SOX5: variants seen among roughly 807,000 people sequenced by gnomAD.
SOX5 encodes transcription factor SOX-5.
A neutral mutation model predicts 92.0 loss-of-function variants in SOX5; 9 were observed. The observed-to-expected ratio is 0.10, with a 90% CI of 0.06 to 0.17. The LOEUF is 0.17. SOX5 is among the 10% of genes least tolerant of loss of function. The pLI is 1.00. For synonymous variants in SOX5, 344 were observed against 336.3 expected (o/e 1.02, Z -0.25); for missense variants, 642 against 944.5 (o/e 0.68, Z 4.20).
intron 1 of SOX5, among the ~76,000 whole-genome samples, chr12:24,400,782 C>G (rs1319092279): frequency 6.6e-6 from 1 of 152,082 alleles, no homozygotes; most frequent in African/African-American, 2.4e-5. Flanking sequence ...ACTGTAGATA[C>G]CAAATAGGTT....
At chr12:23,676,792 G>A (rs2085775113) in intron 6 of SOX5, among the ~76,000 whole-genome samples, 2 of 152,154 alleles carry the variant, frequency 1.3e-5, no homozygotes, top group Non-Finnish European at 2.9e-5. Context: ...TAAGTTAACA[G>A]TGTTCTTACT....
At chr12:24,110,653 A>G (rs968715469) in intron 4 of SOX5, among the ~76,000 whole-genome samples, 10 of 152,150 alleles carry the variant, frequency 6.6e-5, no homozygotes, top group Non-Finnish European at 1.3e-4. Flanking sequence ...TGGGAGGCCG[A>G]GGCGGACGGA....
intron 4 of SOX5, among the ~76,000 whole-genome samples, chr12:24,070,020 C>T (rs751969317): frequency 1.3e-5 from 2 of 152,192 alleles, no homozygotes; most frequent in Non-Finnish European, 2.9e-5. Flanking sequence ...TGTCAACAAC[C>T]GGGGAGAGCG....
chr12:23,634,629 C>A (rs371568029), intron 8 of SOX5, among the ~76,000 whole-genome samples: 40 of 152,044 alleles, frequency 2.6e-4, no homozygotes, highest in African/African-American at 8.7e-4. Context: ...CATTGTAGTG[C>A]CAAACATGCT....
At chr12:24,264,776 G>T (rs1257712653) in intron 3 of SOX5, among the ~76,000 whole-genome samples, 1 of 152,188 alleles carries the variant, frequency 6.6e-6, no homozygotes, top group Non-Finnish European at 1.5e-5. Flanking sequence ...AGGAAAAAGT[G>T]ACTACAAAAA....
At chr12:23,866,571 T>C (rs2096816902) in intron 2 of SOX5, among the ~76,000 whole-genome samples, 1 of 152,198 alleles carries the variant, frequency 6.6e-6, no homozygotes, top group Non-Finnish European at 1.5e-5. Flanking sequence ...CAAAGCAATA[T>C]TCTCTTTATT....
chr12:24,521,574 G>T (rs1287321724), intron 1 of SOX5, among the ~76,000 whole-genome samples: 1 of 152,096 alleles, frequency 6.6e-6, no homozygotes, highest in African/African-American at 2.4e-5. Context: ...ACAAGTTCTT[G>T]ACAAATTTAA....
At chr12:23,991,843 T>C (rs1190070413) in intron 4 of SOX5, among the ~76,000 whole-genome samples, 1 of 151,990 alleles carries the variant, frequency 6.6e-6, no homozygotes, top group Non-Finnish European at 1.5e-5. Context: ...AAAAGAATAC[T>C]TCCTAGCCAA....
chr12:23,619,691 G>C (rs1200376593), intron 8 of SOX5, among the ~76,000 whole-genome samples: 1 of 152,120 alleles, frequency 6.6e-6, no homozygotes, highest in Non-Finnish European at 1.5e-5. Flanking sequence ...GAAATGTGAA[G>C]TGTCCAACAG....
chr12:23,946,855 A>C (rs1326434724), intron 1 of SOX5, among the ~76,000 whole-genome samples: 3 of 151,954 alleles, frequency 2.0e-5, no homozygotes, highest in Non-Finnish European at 2.9e-5. Flanking sequence ...AAATATTTCA[A>C]GTTCTTTACC....
chr12:24,478,536 C>T (rs1333739294), intron 1 of SOX5, among the ~76,000 whole-genome samples: 1 of 152,204 alleles, frequency 6.6e-6, no homozygotes, highest in Non-Finnish European at 1.5e-5. Flanking sequence ...GCCAATCCCT[C>T]AAGCTCCATT....
At chr12:23,962,727 C>T (rs1279575049) in intron 4 of SOX5, among the ~76,000 whole-genome samples, 5 of 151,858 alleles carry the variant, frequency 3.3e-5, no homozygotes, top group Non-Finnish European at 7.4e-5. Context: ...ATCAAATATG[C>T]AATTGCCCAC....
At chr12:24,216,882 C>A (rs1238305177) in intron 3 of SOX5, among the ~76,000 whole-genome samples, 2 of 151,462 alleles carry the variant, frequency 1.3e-5, no homozygotes, top group Non-Finnish European at 3.0e-5. Flanking sequence ...GAGCCGAGAT[C>A]ACACCACTGC....
chr12:24,091,149 G>A (rs937882227), intron 4 of SOX5, among the ~76,000 whole-genome samples: 1 of 152,146 alleles, frequency 6.6e-6, no homozygotes, highest in African/African-American at 2.4e-5. Flanking sequence ...AAATCACAAT[G>A]TTTCAGAGAT....
intron 1 of SOX5, among the ~76,000 whole-genome samples, chr12:24,517,417 G>A (rs1325008623): frequency 2.0e-5 from 3 of 152,124 alleles, no homozygotes; most frequent in Non-Finnish European, 4.4e-5. Context: ...CAGTGAAAAT[G>A]GCAGTTACAA....
At chr12:24,343,301 A>T (rs997219603) in intron 2 of SOX5, among the ~76,000 whole-genome samples, 1 of 152,126 alleles carries the variant, frequency 6.6e-6, no homozygotes, top group Non-Finnish European at 1.5e-5. Flanking sequence ...GATCCATGTC[A>T]TGGAAACAAA....
chr12:23,910,618 G>C (rs549637754), intron 1 of SOX5, among the ~76,000 whole-genome samples: 52 of 152,268 alleles, frequency 3.4e-4, no homozygotes, highest in African/African-American at 1.2e-3. Flanking sequence ...TATATGGAGA[G>C]AGCTGTATCA....
chr12:23,631,774 G>A (rs761564105), intron 8 of SOX5, among the ~76,000 whole-genome samples: 19 of 152,074 alleles, frequency 1.2e-4, no homozygotes, highest in Non-Finnish European at 2.2e-4. Context: ...AAAAACACAC[G>A]TGTACTGATG....
chr12:23,575,033 C>T (rs4963703), intron 10 of SOX5, among the ~76,000 whole-genome samples: 139,087 of 152,248 alleles, frequency 0.91, 64,870 homozygotes, highest in East Asian at 1. Flanking sequence ...TATCAATAAA[C>T]CTGTGTTGAA....
Sources: gnomAD v4.1 joint callset for allele counts (sites outside exome capture counted in the v4.1 genomes callset) on GRCh38, gnomAD v4.1.1 for gene constraint, MANE v1.5 for transcripts, NCBI Gene and HGNC (gene_info 2026-07-23, HGNC 2026-07-21) for gene names.